Variants in GAS2 observed in about 807,000 individuals in gnomAD.
The protein encoded by GAS2 is growth arrest specific 2, also known as growth arrest-specific protein 2.
A neutral mutation model predicts 37.5 loss-of-function variants in GAS2; 20 were observed. The ratio of observed to expected loss-of-function variants is 0.53; its 90% CI spans 0.37 to 0.77. The LOEUF (loss-of-function observed/expected upper bound fraction) is 0.77. Ranked by LOEUF, GAS2 falls within the 30% of genes least tolerant of loss-of-function variation. The pLI, the probability that GAS2 is intolerant of heterozygous loss-of-function variation, is 0.00. For synonymous variants in GAS2, 144 were observed against 132.2 expected (o/e 1.09, Z -0.61); for missense variants, 336 against 373.4 (o/e 0.90, Z 0.82).
At chr11:22,652,638 A>T (rs907717644) in intron 1 of GAS2, among the ~76,000 whole-genome samples, 1 of 152,216 alleles carries the variant, frequency 6.6e-6, no homozygotes, top group African/African-American at 2.4e-5. Context: ...CTGTGTTTTA[A>T]GCCCGTGGGA....
intron 7 of GAS2, among the ~76,000 whole-genome samples, chr11:22,780,247 A>C (rs2134482205): frequency 6.6e-6 from 1 of 152,324 alleles, no homozygotes; most frequent in South Asian, 2.1e-4. Flanking sequence ...CTGTAATCCA[A>C]GCACTTTGGA....
At chr11:22,705,172 G>A (rs561998022) in intron 3 of GAS2, among the ~76,000 whole-genome samples, 1 of 152,174 alleles carries the variant, frequency 6.6e-6, no homozygotes, top group Non-Finnish European at 1.5e-5. Context: ...TGACCTTTCT[G>A]ATCTCATTTA....
chr11:22,777,916 A>T (rs916377110), intron 7 of GAS2, among the ~76,000 whole-genome samples: 9 of 152,220 alleles, frequency 5.9e-5, no homozygotes, highest in African/African-American at 2.2e-4. Context: ...AATTCTGCCA[A>T]TTAGGAGGCT....
At chr11:22,770,370 G>A (rs913827500) in intron 7 of GAS2, among the ~76,000 whole-genome samples, 2 of 152,128 alleles carry the variant, frequency 1.3e-5, no homozygotes, top group Non-Finnish European at 2.9e-5. Context: ...ATAATACAGT[G>A]GTAGGGCCTA....
intron 7 of GAS2, among the ~76,000 whole-genome samples, chr11:22,791,586 T>C (rs1856165471): frequency 6.6e-6 from 1 of 152,180 alleles, no homozygotes; most frequent in Non-Finnish European, 1.5e-5. Flanking sequence ...TTTTCTGATC[T>C]CACTATAATA....
intron 5 of GAS2, among the ~76,000 whole-genome samples, chr11:22,742,172 T>A (rs1433044341): frequency 1.3e-5 from 2 of 152,116 alleles, no homozygotes; most frequent in Non-Finnish European, 2.9e-5. Flanking sequence ...CCTACTTTCA[T>A]TATCACTGGG....
intron 7 of GAS2, among the ~76,000 whole-genome samples, chr11:22,789,455 T>TATATATATATG (rs1473995198): frequency 1.2e-5 from 1 of 80,510 alleles, no homozygotes; most frequent in African/African-American, 4.1e-5. Flanking sequence ...TATATATATA[T>TATATATATATG]TCTTTTTTTT....
intron 3 of GAS2, among the ~76,000 whole-genome samples, chr11:22,722,755 G>A (rs985324938): frequency 2.6e-5 from 4 of 151,914 alleles, no homozygotes; most frequent in East Asian, 3.9e-4. Flanking sequence ...TTCTCAAGCC[G>A]ATTATGATCT....
chr11:22,799,200 A>C (rs1856557236), intron 7 of GAS2, among the ~76,000 whole-genome samples: 2 of 152,042 alleles, frequency 1.3e-5, no homozygotes, highest in South Asian at 4.1e-4. Context: ...CAGTTAACAG[A>C]TTGTGCAGAA....
intron 1 of GAS2, among the ~76,000 whole-genome samples, chr11:22,634,945 C>T (rs1179058278): frequency 6.6e-6 from 1 of 152,176 alleles, no homozygotes; most frequent in Non-Finnish European, 1.5e-5. Context: ...GAGTGATGCC[C>T]ACAATGGTGC....
chr11:22,782,801 C>T (rs557319684), intron 7 of GAS2, among the ~76,000 whole-genome samples: 4 of 136,812 alleles, frequency 2.9e-5, no homozygotes, highest in Admixed American at 7.7e-5. Context: ...ATAGTGTCTA[C>T]GTACCATGGT....
chr11:22,627,084 C>T (rs777210873), intron 1 of GAS2, among the ~76,000 whole-genome samples: 18 of 152,154 alleles, frequency 1.2e-4, no homozygotes, highest in Admixed American at 2.0e-4. Context: ...TGTGCCACCG[C>T]GCCCGGCTAT....
chr11:22,739,138 T>A (rs1289772620), intron 5 of GAS2, among the ~76,000 whole-genome samples: 1 of 152,166 alleles, frequency 6.6e-6, no homozygotes, highest in Non-Finnish European at 1.5e-5. Context: ...ACTTGGGTTC[T>A]GTGAAGGAGC....
At chr11:22,770,366 C>G (rs1854915152) in intron 7 of GAS2, among the ~76,000 whole-genome samples, 2 of 152,130 alleles carry the variant, frequency 1.3e-5, no homozygotes, top group South Asian at 4.1e-4. Flanking sequence ...TTTCATAATA[C>G]AGTGGTAGGG....
intron 7 of GAS2, among the ~76,000 whole-genome samples, chr11:22,778,374 G>A (rs1340095747): frequency 6.6e-6 from 1 of 152,176 alleles, no homozygotes; most frequent in Non-Finnish European, 1.5e-5. Flanking sequence ...ATTTTCTGAT[G>A]GAGACAGATT....
chr11:22,688,333 G>A (rs1268233626), intron 3 of GAS2: 1 of 152,022 alleles, frequency 6.6e-6, no homozygotes, highest in Non-Finnish European at 1.5e-5. Flanking sequence ...TTAACTATAA[G>A]AAAATAAATA....
chr11:22,656,831 C>A (rs1351676438), intron 1 of GAS2, among the ~76,000 whole-genome samples: 1 of 152,124 alleles, frequency 6.6e-6, no homozygotes, highest in Non-Finnish European at 1.5e-5. Flanking sequence ...ATAGCACTTA[C>A]ATGCTTTCAT....
chr11:22,761,139 G>A (rs1270633450), intron 7 of GAS2, among the ~76,000 whole-genome samples: 1 of 152,126 alleles, frequency 6.6e-6, no homozygotes. Flanking sequence ...TTTATCTACT[G>A]TCTGGATAAT....
At chr11:22,674,145 A>G (rs966914391) in intron 1 of GAS2, among the ~76,000 whole-genome samples, 1 of 152,128 alleles carries the variant, frequency 6.6e-6, no homozygotes, top group Non-Finnish European at 1.5e-5. Context: ...ATGAAGACTC[A>G]GGTTCAAGCC....
Sources: gnomAD v4.1 joint callset for allele counts (sites outside exome capture counted in the v4.1 genomes callset) on GRCh38, gnomAD v4.1.1 for gene constraint, MANE v1.5 for transcripts, NCBI Gene and HGNC (gene_info 2026-07-23, HGNC 2026-07-21) for gene names.